SH3GL2: variants seen among roughly 807,000 people sequenced by gnomAD.
The protein encoded by SH3GL2 is endophilin-A1.
Under a neutral mutation model 46.0 loss-of-function variants are expected in SH3GL2, and 24 were observed. That is an observed-to-expected ratio of 0.52 (90% CI 0.38 to 0.73). The LOEUF is 0.73. Among genes scored for constraint, SH3GL2 ranks in the 30% least tolerant of loss-of-function variants. The pLI, the probability that SH3GL2 is intolerant of heterozygous loss-of-function variation, is 0.00. For missense variants in SH3GL2, 413 were observed against 424.2 expected (o/e 0.97, Z 0.23); for synonymous variants, 196 against 147.1 (o/e 1.33, Z -2.40).
intron 1 of SH3GL2, among the ~76,000 whole-genome samples, chr9:17,684,038 A>G (rs890488535): frequency 3.9e-5 from 6 of 152,118 alleles, no homozygotes; most frequent in Non-Finnish European, 7.4e-5. Flanking sequence ...CTTTTAACCA[A>G]AAATTACTGA....
intron 1 of SH3GL2, among the ~76,000 whole-genome samples, chr9:17,636,041 T>G (rs1308483694): frequency 1.3e-5 from 2 of 152,208 alleles, no homozygotes; most frequent in Non-Finnish European, 2.9e-5. Context: ...GGCACAAAGT[T>G]TGATTATCTT....
At chr9:17,644,434 A>T (rs1296178171) in intron 1 of SH3GL2, among the ~76,000 whole-genome samples, 1 of 152,124 alleles carries the variant, frequency 6.6e-6, no homozygotes, top group Non-Finnish European at 1.5e-5. Flanking sequence ...TGTTGATTTT[A>T]GATCTTTCCC....
rs572161079 is a variant in SH3GL2 at position 17,617,251 on chromosome 9, A to G, written c.45+37964A>G. ...AAATGTTTCCAGTTTGCTCCTTTGA[A>G]CAATGCTGCAGTATATAAAGTTGTA... On this transcript the variant is annotated intron_variant, in intron 1 of 8. Coordinates refer to ENST00000380607, the MANE Select transcript of SH3GL2 (RefSeq NM_003026.5). Among the ~76,000 whole-genome samples, 4 of 152,324 alleles carry G rather than the reference A, an allele frequency of 2.6e-5. No individual in the cohort carries two copies. In the South Asian group the frequency reaches 6.2e-4, roughly 24 times the overall value.
chr9:17,676,024 A>C (rs961059616), intron 1 of SH3GL2, among the ~76,000 whole-genome samples: 3 of 152,110 alleles, frequency 2.0e-5, no homozygotes, highest in African/African-American at 7.2e-5. Context: ...TTTTTCCTGG[A>C]GTTCTTAGAA....
intron 1 of SH3GL2, among the ~76,000 whole-genome samples, chr9:17,698,568 G>T (rs1821265471): frequency 6.6e-6 from 1 of 152,130 alleles, no homozygotes. Context: ...AATATGAAGA[G>T]ATAAAATTCC....
At chr9:17,725,243 C>T (rs1379464555) in intron 1 of SH3GL2, among the ~76,000 whole-genome samples, 2 of 152,108 alleles carry the variant, frequency 1.3e-5, no homozygotes, top group African/African-American at 4.8e-5. Flanking sequence ...GTCTGTTCCA[C>T]ATTCCACTCG....
chr9:17,627,882 A>G (rs945406177), intron 1 of SH3GL2, among the ~76,000 whole-genome samples: 3 of 152,202 alleles, frequency 2.0e-5, no homozygotes, highest in Non-Finnish European at 4.4e-5. Flanking sequence ...TCAATATAAC[A>G]GTGGTCTGGG....
chr9:17,730,144 T>C (rs183718973), intron 1 of SH3GL2, among the ~76,000 whole-genome samples: 79 of 152,288 alleles, frequency 5.2e-4, no homozygotes, highest in Admixed American at 2.0e-3. Context: ...CCTTGAGCAG[T>C]GTCATGTACT....
rs143173680 is a variant in SH3GL2 at position 17,690,155 on chromosome 9, C to T, written c.46-56911C>T. On this transcript the variant is annotated intron_variant, in intron 1 of 8. Transcript: ENST00000380607. ...TTGCCAAAACTGCAGCAGTTGTATA[C>T]CTCTGATTTATGTCTACACCCCCAC... is the stretch of plus-strand genomic sequence containing the variant. 1.2e-3 allele frequency among the ~76,000 whole-genome samples: 189 copies of T among 152,166 alleles called. 6 individuals carry two copies. The East Asian group carries it at 0.027, about 22-fold the overall frequency.
chr9:17,612,651 A>C (rs565673480), intron 1 of SH3GL2, among the ~76,000 whole-genome samples: 1 of 152,248 alleles, frequency 6.6e-6, no homozygotes, highest in South Asian at 2.1e-4. Flanking sequence ...TTACTTGAAA[A>C]AGCAGCTCAC....
chr9:17,731,906 G>A (rs757881699), intron 1 of SH3GL2, among the ~76,000 whole-genome samples: 8 of 152,128 alleles, frequency 5.3e-5, no homozygotes, highest in Non-Finnish European at 7.4e-5. Flanking sequence ...CCTCAGTGCC[G>A]GACATACAAA....
intron 7 of SH3GL2, 51 bp downstream of exon 7, chr9:17,791,385 G>T (rs368340863): frequency 8.2e-6 from 10 of 1,213,938 alleles, no homozygotes; most frequent in Non-Finnish European, 1.2e-5. Context: ...GCTATAAAAT[G>T]ATGTATAAAG....
chr9:17,791,992 G>C (rs1824143506), intron 7 of SH3GL2, among the ~76,000 whole-genome samples: 4 of 152,188 alleles, frequency 2.6e-5, no homozygotes, highest in Non-Finnish European at 5.9e-5. Flanking sequence ...GTGGCCCTAT[G>C]TTATAATATG....
At chr9:17,611,644 C>CT (rs1818869919) in intron 1 of SH3GL2, among the ~76,000 whole-genome samples, 1 of 152,200 alleles carries the variant, frequency 6.6e-6, no homozygotes, top group African/African-American at 2.4e-5. Context: ...GCCAGTGGAT[C>CT]CCTGAGACAT....
chr9:17,635,401 T>A (rs1165412243), intron 1 of SH3GL2, among the ~76,000 whole-genome samples: 1 of 152,180 alleles, frequency 6.6e-6, no homozygotes, highest in East Asian at 1.9e-4. Flanking sequence ...GCATTTAGAT[T>A]GATTCCATGC....
At chr9:17,738,641 TAGAGAG>T (rs1554645334) in intron 1 of SH3GL2, among the ~76,000 whole-genome samples, 10 of 88,882 alleles carry the variant, frequency 1.1e-4, no homozygotes, top group Admixed American at 6.3e-4. Flanking sequence ...TATATATATA[TAGAGAG>T]AGAGAGAGAG....
intron 1 of SH3GL2, among the ~76,000 whole-genome samples, chr9:17,599,700 G>GA (rs1157082592): frequency 6.6e-6 from 1 of 152,124 alleles, no homozygotes; most frequent in Non-Finnish European, 1.5e-5. Flanking sequence ...TTCTAGCCAG[G>GA]CATTTGTAGC....
At chr9:17,603,337 C>G (rs1818703525) in intron 1 of SH3GL2, among the ~76,000 whole-genome samples, 1 of 152,084 alleles carries the variant, frequency 6.6e-6, no homozygotes, top group Non-Finnish European at 1.5e-5. Context: ...ACATGCTACA[C>G]CATGGATGAG....
chr9:17,755,043 A>G (rs1822948604), intron 2 of SH3GL2, among the ~76,000 whole-genome samples: 1 of 152,068 alleles, frequency 6.6e-6, no homozygotes. Flanking sequence ...GGGGTGAGAG[A>G]GGGCATCCTT....
Sources: allele counts gnomAD v4.1 joint callset (sites outside exome capture counted in the v4.1 genomes callset), GRCh38; gene constraint gnomAD v4.1.1; transcripts MANE v1.5; gene names NCBI Gene and HGNC (gene_info 2026-07-23, HGNC 2026-07-21).